REC114: variants seen among roughly 807,000 people sequenced by gnomAD.
REC114 encodes REC114 meiotic recombination protein.
A neutral mutation model predicts 31.3 loss-of-function variants in REC114; 27 were observed. The ratio of observed to expected loss-of-function variants is 0.86; its 90% CI spans 0.64 to 1.19. REC114 has a LOEUF of 1.19. Ranked by LOEUF, REC114 falls within the 50% of genes most tolerant of loss-of-function variation. The pLI is 0.00. For missense variants in REC114, 344 were observed against 326.9 expected (o/e 1.05, Z -0.40); for synonymous variants, 134 against 127.7 (o/e 1.05, Z -0.33).
At chr15:73,443,467 C>A in intron 1 of REC114, 123 bp downstream of exon 1, 3 of 1,200,118 alleles carry the variant, frequency 2.5e-6, no homozygotes, top group Admixed American at 2.9e-5. Flanking sequence ...ACTGCCAGGC[C>A]TGTTGGGGAA....
chr15:73,554,851 T>G (rs1043823857), intron 4 of REC114, among the ~76,000 whole-genome samples: 1 of 152,250 alleles, frequency 6.6e-6, no homozygotes, highest in African/African-American at 2.4e-5. Flanking sequence ...ATTAGTTCTT[T>G]GTGTGAGCTG....
intron 2 of REC114, among the ~76,000 whole-genome samples, chr15:73,531,702 G>A (rs1894084776): frequency 1.3e-5 from 2 of 152,172 alleles, no homozygotes; most frequent in South Asian, 4.1e-4. Flanking sequence ...ATCTCATGAA[G>A]TTTGCAGTGA....
intron 2 of REC114, among the ~76,000 whole-genome samples, chr15:73,526,551 G>A (rs879616752): frequency 1.3e-5 from 2 of 152,068 alleles, no homozygotes; most frequent in Non-Finnish European, 2.9e-5. Flanking sequence ...TCAAATATAT[G>A]CTGCTTCCTG....
chr15:73,521,175 A>G (rs896334217), intron 2 of REC114, among the ~76,000 whole-genome samples: 1 of 152,196 alleles, frequency 6.6e-6, no homozygotes, highest in Non-Finnish European at 1.5e-5. Context: ...AATCCTGGTG[A>G]GAGACTTCAA....
chr15:73,513,160 C>G (rs1275804264), intron 2 of REC114, among the ~76,000 whole-genome samples: 2 of 145,374 alleles, frequency 1.4e-5, no homozygotes, highest in Non-Finnish European at 3.0e-5. Flanking sequence ...ATTCTTTTTT[C>G]TCTAAACTTC....
At position 73,524,036 on chromosome 15, in the gene REC114, T is replaced by C. The variant is rs145106389; in HGVS notation, c.250-16449T>C. ...CTTCAAAAAGTTCATAGAAAGTATATTGTGAAAAATCTATACAAGGATTTC... is the reference window on the plus strand; with the variant it reads ...CTTCAAAAAGTTCATAGAAAGTATACTGTGAAAAATCTATACAAGGATTTC... On this transcript the variant is annotated intron_variant, in intron 2 of 5. Coordinates refer to ENST00000331090, the MANE Select transcript of REC114 (RefSeq NM_001042367.2). Among the ~76,000 whole-genome samples, 296 of 152,310 alleles carry C rather than the reference T, an allele frequency of 1.9e-3. 1 individual carries two copies. Among genetic ancestry groups the C allele is most frequent in the African/African-American group, 6.9e-3 (286 of 41,574 alleles).
intron 2 of REC114, among the ~76,000 whole-genome samples, chr15:73,539,569 G>A (rs928338354): frequency 1.3e-5 from 2 of 150,656 alleles, no homozygotes; most frequent in African/African-American, 4.9e-5. Flanking sequence ...TGAGATTTAG[G>A]CAGAGGGATT....
chr15:73,559,695 T>A, intron 5 of REC114, 57 bp from the exon 6 acceptor site: 3 of 1,444,912 alleles, frequency 2.1e-6, no homozygotes, highest in Non-Finnish European at 1.8e-6. Flanking sequence ...CTGTGTTCTA[T>A]TAGCCAGGTA....
At chr15:73,462,884 C>CAAAAAAAAAAAAAAAAAAAAAAA (rs769569268) in intron 1 of REC114, among the ~76,000 whole-genome samples, 5 of 55,650 alleles carry the variant, frequency 9.0e-5, no homozygotes, top group African/African-American at 3.5e-4. Flanking sequence ...GACTCCGTCT[C>CAAAAAAAAAAAAAAAAAAAAAAA]AAAAAAAAAA....
chr15:73,531,895 C>T (rs1894087767), intron 2 of REC114, among the ~76,000 whole-genome samples: 1 of 152,080 alleles, frequency 6.6e-6, no homozygotes, highest in Admixed American at 6.5e-5. Context: ...TTAGCTTCCA[C>T]ATTACTCTGT....
intron 2 of REC114, among the ~76,000 whole-genome samples, chr15:73,526,855 C>A (rs1417936389): frequency 1.3e-5 from 2 of 152,116 alleles, no homozygotes; most frequent in African/African-American, 4.8e-5. Context: ...TACAGAATTT[C>A]TTTCAAGCAA....
chr15:73,559,645 G>T (rs1241315443), intron 5 of REC114, 107 bp from the exon 6 acceptor site: 21 of 956,734 alleles, frequency 2.2e-5, no homozygotes, highest in Non-Finnish European at 3.0e-5. Context: ...TAATTTTTTT[G>T]GTGTGTATTT....
chr15:73,481,325 G>GC (rs1893290639), intron 2 of REC114, among the ~76,000 whole-genome samples: 1 of 152,070 alleles, frequency 6.6e-6, no homozygotes, highest in African/African-American at 2.4e-5. Context: ...TAAACTGCAT[G>GC]CATGGTATCT....
intron 2 of REC114, among the ~76,000 whole-genome samples, chr15:73,479,193 G>GTT (rs1169534905): frequency 6.9e-6 from 1 of 144,640 alleles, no homozygotes; most frequent in East Asian, 2.0e-4. Flanking sequence ...TTAGCTGTAG[G>GTT]TTTTTTTTTT....
intron 1 of REC114, among the ~76,000 whole-genome samples, chr15:73,473,273 C>T (rs1190633970): frequency 6.6e-6 from 1 of 152,074 alleles, no homozygotes; most frequent in Non-Finnish European, 1.5e-5. Flanking sequence ...CCTGTAATCC[C>T]AGCTACTCGC....
rs371671458 is a variant in REC114 at position 73,515,137 on chromosome 15, G to T, written c.250-25348G>T. 1.6e-4 allele frequency among the ~76,000 whole-genome samples: 24 copies of T among 152,054 alleles called. 1 individual carries two copies. In the East Asian group the frequency reaches 2.3e-3, roughly 15 times the overall value. On this transcript the variant is annotated intron_variant, in intron 2 of 5. Transcript: ENST00000331090. Reference sequence around the variant, plus strand: ...TGTAGAGATTGGGTGTCTCTCTGTTGCCCAGGCTAGTCTCAAACTCCTGCA... The same window carrying T: ...TGTAGAGATTGGGTGTCTCTCTGTTTCCCAGGCTAGTCTCAAACTCCTGCA...
intron 2 of REC114, among the ~76,000 whole-genome samples, chr15:73,529,116 T>C (rs1015782389): frequency 6.6e-6 from 1 of 151,658 alleles, no homozygotes; most frequent in African/African-American, 2.4e-5. Flanking sequence ...CTTAGCTTTT[T>C]ATTTTTATTA....
chr15:73,521,887 T>A (rs1377817898), intron 2 of REC114, among the ~76,000 whole-genome samples: 1 of 152,184 alleles, frequency 6.6e-6, no homozygotes. Context: ...TTCAGATGTT[T>A]AAGGAAGAAC....
Position 73,559,772 on chromosome 15 carries a change from G to C in REC114, c.657G>C (p.Glu219Asp). ...QLAQTLLASE[E>D]LPHVYEQSAW... ...TGCAGACTCTTCTGGCATCGGAGGA[G>C]CTGCCCCATGTCTATGAACAATCTG... is the stretch of plus-strand genomic sequence containing the variant. Residue 219 changes from glutamate (E) to aspartate (D), a missense_variant, in exon 6 of 6, where the codon GAG becomes GAC. By Grantham distance (45) the Glu-to-Asp change is conservative. Transcript: ENST00000331090. 1 of 1,578,966 alleles carries C rather than the reference G, an allele frequency of 6.3e-7. No individual in the cohort carries two copies. The highest frequency in any genetic ancestry group is 8.6e-7 in the Non-Finnish European group (1 of 1,167,522).
Sources: gnomAD v4.1 joint callset for allele counts (sites outside exome capture counted in the v4.1 genomes callset) on GRCh38, gnomAD v4.1.1 for gene constraint, MANE v1.5 for transcripts, NCBI Gene and HGNC (gene_info 2026-07-23, HGNC 2026-07-21) for gene names.